Variants in PLXNA4 observed in about 807,000 individuals in gnomAD.
The protein encoded by PLXNA4 is plexin A4.
PLXNA4 carries 44 observed loss-of-function variants against 191.8 expected under a neutral mutation model. The ratio of observed to expected loss-of-function variants is 0.23; its 90% CI spans 0.18 to 0.29. PLXNA4 has a LOEUF of 0.29. PLXNA4 is among the 10% of genes least tolerant of loss of function. The pLI, the probability that PLXNA4 is intolerant of heterozygous loss-of-function variation, is 1.00. For synonymous variants in PLXNA4, 1,082 were observed against 1,009.5 expected, an observed-to-expected ratio of 1.07 and a Z score of -1.36; for missense variants, 1,800 against 2,488.8, an observed-to-expected ratio of 0.72 and a Z score of 5.89.
At chr7:132,393,380 A>C (rs562539290) in intron 3 of PLXNA4, among the ~76,000 whole-genome samples, 1 of 152,054 alleles carries the variant, frequency 6.6e-6, no homozygotes, top group Non-Finnish European at 1.5e-5. Flanking sequence ...TCAAGAACCC[A>C]TGATCCAGAG....
intron 29 of PLXNA4, among the ~76,000 whole-genome samples, chr7:132,142,638 C>T (rs1294537166): frequency 3.3e-5 from 5 of 152,242 alleles, no homozygotes; most frequent in Admixed American, 2.0e-4. Context: ...AAATGTTTGG[C>T]GGTGTTTGCT....
At chr7:132,153,602 A>C (rs887552568) in intron 25 of PLXNA4, among the ~76,000 whole-genome samples, 3 of 152,046 alleles carry the variant, frequency 2.0e-5, no homozygotes, top group Non-Finnish European at 4.4e-5. Context: ...GTGGAGATCC[A>C]TGTAATTGGC....
At chr7:132,645,430 C>T (rs1292620483) in intron 2 of PLXNA4, among the ~76,000 whole-genome samples, 2 of 152,176 alleles carry the variant, frequency 1.3e-5, no homozygotes, top group Non-Finnish European at 2.9e-5. Flanking sequence ...GTGCCAGCTT[C>T]CCTTTCTGCC....
At chr7:132,374,633 A>T (rs1418990180) in intron 3 of PLXNA4, among the ~76,000 whole-genome samples, 1 of 152,210 alleles carries the variant, frequency 6.6e-6, no homozygotes, top group Non-Finnish European at 1.5e-5. Context: ...CGATTGCCAA[A>T]GAGTCACCAC....
At chr7:132,435,627 G>C (rs1348855310) in intron 3 of PLXNA4, among the ~76,000 whole-genome samples, 1 of 152,140 alleles carries the variant, frequency 6.6e-6, no homozygotes. Context: ...GACATCCGGG[G>C]GGTTGTCTGT....
intron 4 of PLXNA4, among the ~76,000 whole-genome samples, chr7:132,288,413 A>C (rs1277628609): frequency 6.6e-6 from 1 of 152,200 alleles, no homozygotes; most frequent in African/African-American, 2.4e-5. Flanking sequence ...TATCTCAGTA[A>C]TGACATTCTG....
At chr7:132,265,224 G>T (rs1799804390) in intron 4 of PLXNA4, among the ~76,000 whole-genome samples, 1 of 152,194 alleles carries the variant, frequency 6.6e-6, no homozygotes, top group South Asian at 2.1e-4. Context: ...TTTGGGGTCA[G>T]CTGGGTCCTG....
At chr7:132,163,017 G>A (rs1485308912) in intron 24 of PLXNA4, among the ~76,000 whole-genome samples, 4 of 152,102 alleles carry the variant, frequency 2.6e-5, no homozygotes, top group Admixed American at 6.5e-5. Flanking sequence ...TCTCCCGACC[G>A]CTGCGTTTGA....
At chr7:132,400,524 A>G (rs987566327) in intron 3 of PLXNA4, among the ~76,000 whole-genome samples, 7 of 152,170 alleles carry the variant, frequency 4.6e-5, no homozygotes, top group African/African-American at 7.2e-5. Context: ...AATCTGTGAC[A>G]TAATGTACCC....
At chr7:132,538,402 G>A (rs1799937367) in intron 1 of PLXNA4, among the ~76,000 whole-genome samples, 1 of 152,212 alleles carries the variant, frequency 6.6e-6, no homozygotes, top group African/African-American at 2.4e-5. Context: ...TCCAGGCAAG[G>A]TGAATGGAAC....
intron 10 of PLXNA4, among the ~76,000 whole-genome samples, chr7:132,208,846 C>A (rs1022747929): frequency 1.3e-5 from 2 of 152,182 alleles, no homozygotes; most frequent in Non-Finnish European, 2.9e-5. Context: ...AAGGAGGAGA[C>A]AGCACCCACC....
chr7:132,305,493 A>C (rs951636107), intron 3 of PLXNA4, among the ~76,000 whole-genome samples: 4 of 151,174 alleles, frequency 2.6e-5, no homozygotes, highest in Admixed American at 6.6e-5. Flanking sequence ...CCTTTCCTCC[A>C]GCCCTGCTGG....
At chr7:132,424,021 T>C (rs536666825) in intron 3 of PLXNA4, among the ~76,000 whole-genome samples, 16 of 152,106 alleles carry the variant, frequency 1.1e-4, no homozygotes, top group Non-Finnish European at 1.8e-4. Flanking sequence ...AACATGCCCT[T>C]TGCCTCTAAC....
At chr7:132,157,582 G>A (rs555836595) in intron 25 of PLXNA4, among the ~76,000 whole-genome samples, 3 of 152,134 alleles carry the variant, frequency 2.0e-5, no homozygotes, top group Non-Finnish European at 4.4e-5. Context: ...TCTGTGTTCT[G>A]GCACAACTTT....
At chr7:132,274,015 G>A (rs1584932097) in intron 4 of PLXNA4, among the ~76,000 whole-genome samples, 1 of 145,760 alleles carries the variant, frequency 6.9e-6, no homozygotes, top group Non-Finnish European at 1.5e-5. Flanking sequence ...AAAAAAAAAA[G>A]GGGGCAACAA....
intron 24 of PLXNA4, among the ~76,000 whole-genome samples, chr7:132,163,667 G>C (rs777078604): frequency 7.9e-5 from 12 of 152,172 alleles, no homozygotes; most frequent in Non-Finnish European, 1.2e-4. Context: ...GGCCACCTTG[G>C]CCTTGCGTTA....
At chr7:132,186,003 G>A (rs1018294673) in intron 15 of PLXNA4, among the ~76,000 whole-genome samples, 4 of 152,174 alleles carry the variant, frequency 2.6e-5, no homozygotes, top group Admixed American at 6.5e-5. Context: ...ATTTTAACAA[G>A]TGTCAGAATA....
At chr7:132,214,381 T>A (rs1797899420) in intron 9 of PLXNA4, among the ~76,000 whole-genome samples, 1 of 152,162 alleles carries the variant, frequency 6.6e-6, no homozygotes, top group South Asian at 2.1e-4. Context: ...GGTTGGCAGC[T>A]CTGAGAGTAA....
chr7:132,551,590 G>T (rs571883180), intron 1 of PLXNA4, among the ~76,000 whole-genome samples: 6 of 152,256 alleles, frequency 3.9e-5, no homozygotes, highest in African/African-American at 1.4e-4. Context: ...AGAGCTCTCT[G>T]CAAAAGACGT....
Sources: allele counts gnomAD v4.1 joint callset (sites outside exome capture counted in the v4.1 genomes callset), GRCh38; gene constraint gnomAD v4.1.1; transcripts MANE v1.5; gene names NCBI Gene and HGNC (gene_info 2026-07-23, HGNC 2026-07-21).